ADAMTS17: variants seen among roughly 807,000 people sequenced by gnomAD.
The protein encoded by ADAMTS17 is A disintegrin and metalloproteinase with thrombospondin motifs 17.
A neutral mutation model predicts 141.5 loss-of-function variants in ADAMTS17; 113 were observed. The ratio of observed to expected loss-of-function variants is 0.80; its 90% confidence interval spans 0.69 to 0.93. The LOEUF is 0.93. Ranked by LOEUF, ADAMTS17 falls within the 40% of genes least tolerant of loss-of-function variation. ADAMTS17 has a pLI of 0.00. For synonymous variants in ADAMTS17, 768 were observed against 630.6 expected (o/e 1.22, Z -3.27); for missense variants, 1,659 against 1,517.9 (o/e 1.09, Z -1.54).
intron 10 of ADAMTS17, among the ~76,000 whole-genome samples, chr15:100,150,032 T>G (rs879067951): frequency 6.6e-6 from 1 of 152,212 alleles, no homozygotes; most frequent in African/African-American, 2.4e-5. Context: ...CTGCTAGTTA[T>G]TGGAGAGGAA....
chr15:100,267,828 G>C (rs1424266086), intron 4 of ADAMTS17, among the ~76,000 whole-genome samples: 1 of 152,174 alleles, frequency 6.6e-6, no homozygotes, highest in Non-Finnish European at 1.5e-5. Context: ...TATCACATCA[G>C]GGTAAACAGA....
chr15:100,159,654 G>T (rs866197917), intron 8 of ADAMTS17, among the ~76,000 whole-genome samples: 1 of 152,224 alleles, frequency 6.6e-6, no homozygotes, highest in Non-Finnish European at 1.5e-5. Context: ...TGTAACCATT[G>T]CATGTGGACC....
intron 15 of ADAMTS17, among the ~76,000 whole-genome samples, chr15:100,089,526 T>C (rs983022095): frequency 1.3e-5 from 2 of 151,394 alleles, no homozygotes; most frequent in African/African-American, 2.4e-5. Context: ...TAAAGACACA[T>C]GCACACATAT....
At chr15:100,126,684 A>G (rs913709196) in intron 12 of ADAMTS17, among the ~76,000 whole-genome samples, 1 of 152,182 alleles carries the variant, frequency 6.6e-6, no homozygotes, top group Non-Finnish European at 1.5e-5. Context: ...GATATTAGGG[A>G]TGTGTTTTGG....
In ADAMTS17 at chr15:100,285,735, A is replaced by G. The variant is rs555398402; in HGVS notation, c.617-4334T>C. Reference sequence around the variant, plus strand: ...TGAGCCGGCAGGGAGAGCTGCTGAGAGAGGTGGCAGGGGCAGGACTCCAGC... The same window carrying G: ...TGAGCCGGCAGGGAGAGCTGCTGAGGGAGGTGGCAGGGGCAGGACTCCAGC... On this transcript the variant is annotated intron_variant, in intron 3 of 21. Transcript: ENST00000268070. Among the ~76,000 whole-genome samples, 209 of 152,296 alleles carry G rather than the reference A, an allele frequency of 1.4e-3. 1 individual carries two copies. The highest frequency in any genetic ancestry group is 4.7e-3 in the African/African-American group (194 of 41,568).
At chr15:100,243,004 G>A (rs1057150941) in intron 7 of ADAMTS17, among the ~76,000 whole-genome samples, 2 of 152,130 alleles carry the variant, frequency 1.3e-5, no homozygotes, top group Non-Finnish European at 2.9e-5. Context: ...CTCAGCTCCT[G>A]GCAACTGCCA....
chr15:100,236,682 A>G (rs1362404886), intron 7 of ADAMTS17, among the ~76,000 whole-genome samples: 1 of 152,088 alleles, frequency 6.6e-6, no homozygotes, highest in Non-Finnish European at 1.5e-5. Context: ...TACATAAAAT[A>G]AAAACATTAG....
intron 7 of ADAMTS17, among the ~76,000 whole-genome samples, chr15:100,240,503 C>A (rs147956458): frequency 6.6e-6 from 1 of 152,174 alleles, no homozygotes; most frequent in Non-Finnish European, 1.5e-5. Context: ...TGTAAAGGTG[C>A]TCCCCCCTCA....
At chr15:100,113,222 G>A (rs966386692) in intron 13 of ADAMTS17, among the ~76,000 whole-genome samples, 7 of 152,168 alleles carry the variant, frequency 4.6e-5, no homozygotes, top group Non-Finnish European at 4.4e-5. Flanking sequence ...ATGCAGAGAG[G>A]TCATGTCTGC....
At chr15:99,994,800 G>T (rs956393501) in intron 19 of ADAMTS17, among the ~76,000 whole-genome samples, 1 of 152,190 alleles carries the variant, frequency 6.6e-6, no homozygotes, top group Non-Finnish European at 1.5e-5. Context: ...CTCCTGACTC[G>T]TGATCCACCC....
chr15:100,153,412 G>A (rs1437943160), intron 9 of ADAMTS17, among the ~76,000 whole-genome samples: 8 of 151,644 alleles, frequency 5.3e-5, no homozygotes, highest in Non-Finnish European at 8.8e-5. Flanking sequence ...AGGCTGAGGT[G>A]GGTGGATCAC....
intron 3 of ADAMTS17, among the ~76,000 whole-genome samples, chr15:100,286,823 A>C (rs1045960111): frequency 3.3e-5 from 5 of 152,226 alleles, no homozygotes; most frequent in African/African-American, 1.2e-4. Context: ...CACAGAATTC[A>C]GAATATGGAG....
chr15:100,277,925 T>C (rs1032391252), intron 4 of ADAMTS17, among the ~76,000 whole-genome samples: 2 of 152,214 alleles, frequency 1.3e-5, no homozygotes, highest in African/African-American at 2.4e-5. Flanking sequence ...AAAAAGGTGA[T>C]GCACGTACGT....
At chr15:100,102,558 G>A (rs28438022) in intron 14 of ADAMTS17, among the ~76,000 whole-genome samples, 9,938 of 131,370 alleles carry the variant, frequency 0.076, 961 homozygotes, top group African/African-American at 0.18. Flanking sequence ...TTTGAAGGCC[G>A]ACCGAAGGGG....
At chr15:100,113,221 G>A (rs2036902740) in intron 13 of ADAMTS17, among the ~76,000 whole-genome samples, 1 of 152,186 alleles carries the variant, frequency 6.6e-6, no homozygotes, top group African/African-American at 2.4e-5. Context: ...GATGCAGAGA[G>A]GTCATGTCTG....
intron 8 of ADAMTS17, among the ~76,000 whole-genome samples, chr15:100,189,755 T>A (rs2040851159): frequency 6.6e-6 from 1 of 152,252 alleles, no homozygotes; most frequent in Non-Finnish European, 1.5e-5. Context: ...ATTACCAAGT[T>A]TGACTTCTAA....
At chr15:100,335,750 AC>A (rs2046189663) in intron 2 of ADAMTS17, among the ~76,000 whole-genome samples, 1 of 152,174 alleles carries the variant, frequency 6.6e-6, no homozygotes, top group Non-Finnish European at 1.5e-5. Flanking sequence ...CTTCCATTCT[AC>A]CAACAGCCTT....
At position 100,081,198 on chromosome 15, in the gene ADAMTS17, T is replaced by G. The variant is rs534416238; in HGVS notation, c.2137+15158A>C. 2.6e-5 allele frequency among the ~76,000 whole-genome samples: 4 copies of G among 152,340 alleles called. No individual in the cohort carries two copies. The South Asian group carries it at 8.3e-4, about 32-fold the overall frequency. ...GGTGGGCCTAGGCTCCCAGCCTACA[T>G]CTTTCTCCTGTGCTAGATGCTTCCT... is the stretch of plus-strand genomic sequence containing the variant. On this transcript the variant is annotated intron_variant, in intron 15 of 21. Transcript: ENST00000268070.
intron 15 of ADAMTS17, among the ~76,000 whole-genome samples, chr15:100,080,068 C>A (rs945439256): frequency 6.6e-6 from 1 of 152,174 alleles, no homozygotes; most frequent in African/African-American, 2.4e-5. Flanking sequence ...TCTCCCATAG[C>A]CAGGATTCAC....
Sources: allele counts gnomAD v4.1 joint callset (sites outside exome capture counted in the v4.1 genomes callset), GRCh38; gene constraint gnomAD v4.1.1; transcripts MANE v1.5; gene names NCBI Gene and HGNC (gene_info 2026-07-23, HGNC 2026-07-21).